RPL26L1: variants seen among roughly 807,000 people sequenced by gnomAD.
RPL26L1 encodes the protein ribosomal protein uL24-like.
A neutral mutation model predicts 15.2 loss-of-function variants in RPL26L1; 8 were observed. The ratio of observed to expected loss-of-function variants is 0.53; its 90% confidence interval spans 0.31 to 0.95. RPL26L1 has a LOEUF of 0.95. RPL26L1 is among the 40% of genes least tolerant of loss of function. The pLI is 0.05. For synonymous variants in RPL26L1, 51 were observed against 65.9 expected, an observed-to-expected ratio of 0.77 and a Z score of 1.09; for missense variants, 146 against 190.9, an observed-to-expected ratio of 0.76 and a Z score of 1.39.
upstream of RPL26L1, chr5:172,958,591 A>AG: frequency 2.8e-6 from 1 of 363,458 alleles, no homozygotes; most frequent in South Asian, 1.9e-5. Context: ...GTGCCCACGG[A>AG]GGGGGCGTGG....
At chr5:172,954,646 CAG>C (rs1041428492), upstream of RPL26L1, 5 of 253,850 alleles carry the variant, frequency 2.0e-5, no homozygotes, top group Admixed American at 4.7e-5. Flanking sequence ...GGGAGAGAGA[CAG>C]AGAACGGAAC....
upstream of RPL26L1, chr5:172,955,315 A>G (rs191522393): frequency 0.02 from 5,711 of 283,062 alleles, 326 homozygotes; most frequent in African/African-American, 0.12. Flanking sequence ...TTTTAGGAGA[A>G]ACAGGGTTTC....
upstream of RPL26L1, chr5:172,954,781 AT>A (rs1172511931): frequency 2.6e-6 from 1 of 383,048 alleles, no homozygotes; most frequent in African/African-American, 2.1e-5. Flanking sequence ...GGCATACAAC[AT>A]TTAAGGGATG....
upstream of RPL26L1, chr5:172,958,614 A>C (rs1242939994): frequency 6.0e-6 from 2 of 334,040 alleles, no homozygotes; most frequent in Admixed American, 3.4e-5. Context: ...GATCTCCCTC[A>C]CAGCTCCGTC....
At chr5:172,954,221 G>A (rs917851243), upstream of RPL26L1, among the ~76,000 whole-genome samples, 1 of 152,124 alleles carries the variant, frequency 6.6e-6, no homozygotes, top group Non-Finnish European at 1.5e-5. Context: ...AAGGTGAGTT[G>A]TTACCCCTCC....
At chr5:172,967,143 C>T (rs1032692581) in intron 2 of RPL26L1, among the ~76,000 whole-genome samples, 4 of 150,744 alleles carry the variant, frequency 2.7e-5, no homozygotes, top group East Asian at 2.0e-4. Flanking sequence ...TGTGAACCAC[C>T]GTGCCCGGCC....
chr5:172,955,694 A>C (rs1754952311), upstream of RPL26L1: 1 of 152,240 alleles, frequency 6.6e-6, no homozygotes, highest in Non-Finnish European at 1.5e-5. Flanking sequence ...CACGCACTTC[A>C]TTCTGGCCAG....
chr5:172,957,037 ATCT>A (rs1754996450), upstream of RPL26L1: 1 of 370,296 alleles, frequency 2.7e-6, no homozygotes, highest in Admixed American at 3.5e-5. Flanking sequence ...GAGGCTGAAT[ATCT>A]TCTCCAAAGC....
At position 172,959,882 on chromosome 5, in the gene RPL26L1, C is replaced by A. The variant is rs779305568; in HGVS notation, c.9C>A (p.Phe3Leu). The A allele has an allele frequency of 3.7e-6, 6 of 1,614,116 alleles. No individual in the cohort carries two copies. The South Asian group carries it at 5.5e-5, about 15-fold the overall frequency. ...CTTTGTAGAGGGTCACCATGAAGTT[C>A]AATCCCTTCGTTACCTCGGACCGCA... MK[F>L]NPFVTSDRSK... is the part of the protein sequence containing the mutation. Residue 3 changes from phenylalanine to leucine, a missense_variant, in exon 2 of 4, where the codon TTC (phenylalanine) becomes TTA (leucine). Physicochemically the swap from Phe to Leu is conservative, Grantham distance 22. Transcript: ENST00000265100.
chr5:172,966,966 C>T (rs937960221), intron 2 of RPL26L1, among the ~76,000 whole-genome samples: 7 of 151,868 alleles, frequency 4.6e-5, no homozygotes, highest in Admixed American at 3.3e-4. Flanking sequence ...AGTGATTCTC[C>T]TGCCTCAGCC....
At chr5:172,964,860 C>CT (rs1316089792) in intron 2 of RPL26L1, among the ~76,000 whole-genome samples, 5 of 152,188 alleles carry the variant, frequency 3.3e-5, no homozygotes, top group Admixed American at 6.5e-5. Flanking sequence ...TTCCACCCCT[C>CT]TTATTTTCTT....
chr5:172,962,307 G>A (rs1438136692), intron 2 of RPL26L1, among the ~76,000 whole-genome samples: 2 of 151,916 alleles, frequency 1.3e-5, no homozygotes, highest in African/African-American at 4.8e-5. Context: ...AGGAGTTTGA[G>A]ACCAGCCTGG....
intron 1 of RPL26L1, 117 bp from the exon 2 acceptor site, chr5:172,959,747 TC>T: frequency 7.9e-7 from 1 of 1,272,596 alleles, no homozygotes; most frequent in South Asian, 1.3e-5. Context: ...AGTTGCCTTT[TC>T]AGAGGCTACC....
upstream of RPL26L1, chr5:172,958,519 C>T: frequency 2.3e-6 from 1 of 434,162 alleles, no homozygotes; most frequent in Non-Finnish European, 4.7e-6. Flanking sequence ...AGAATAAACC[C>T]CGTCGGTTCT....
At chr5:172,969,337 T>C in intron 3 of RPL26L1, 76 bp from the exon 4 acceptor site, 2 of 1,485,840 alleles carry the variant, frequency 1.3e-6, no homozygotes, top group East Asian at 2.3e-5. Flanking sequence ...GAGGTCTTAC[T>C]TAACTTATGA....
At chr5:172,964,001 A>G (rs1048300337) in intron 2 of RPL26L1, among the ~76,000 whole-genome samples, 2 of 152,156 alleles carry the variant, frequency 1.3e-5, no homozygotes, top group Non-Finnish European at 2.9e-5. Context: ...AGAGAGGAGA[A>G]GGGTCAGTCA....
At chr5:172,958,881 CA>C (rs1755095509), upstream of RPL26L1, 1 of 80,446 alleles carries the variant, frequency 1.2e-5, no homozygotes, top group Non-Finnish European at 3.7e-5. Flanking sequence ...GCGGCGGCCA[CA>C]AACCCGCAGG....
chr5:172,964,578 G>A (rs933066619), intron 2 of RPL26L1, among the ~76,000 whole-genome samples: 4 of 152,226 alleles, frequency 2.6e-5, no homozygotes, highest in East Asian at 1.9e-4. Context: ...GAGCCACCAC[G>A]CCCGGCTGCC....
chr5:172,958,388 T>C (rs370168092), upstream of RPL26L1: 127 of 456,226 alleles, frequency 2.8e-4, no homozygotes, highest in African/African-American at 2.3e-3. Context: ...GTGGCTGCTG[T>C]ACTTGCAAGA....
Sources: allele counts gnomAD v4.1 joint callset (sites outside exome capture counted in the v4.1 genomes callset), GRCh38; gene constraint gnomAD v4.1.1; transcripts MANE v1.5; gene names NCBI Gene and HGNC (gene_info 2026-07-23, HGNC 2026-07-21).